Variants in COPG2 observed in about 807,000 individuals in gnomAD.
COPG2 encodes the protein coat protein complex I subunit gamma 2.
A neutral mutation model predicts 46.3 loss-of-function variants in COPG2; 37 were observed. The ratio of observed to expected loss-of-function variants is 0.80; its 90% CI spans 0.61 to 1.05. COPG2 has a LOEUF of 1.05. COPG2 is among the 50% of genes least tolerant of loss of function. The probability of loss-of-function intolerance (pLI) is 0.00; values close to 1 mark genes in which losing one functional copy is unlikely to be tolerated. For missense variants in COPG2, 427 were observed against 387.8 expected (o/e 1.10, Z -0.85); for synonymous variants, 159 against 129.7 (o/e 1.23, Z -1.53).
chr7:130,606,350 A>G (rs1164067462), intron 9 of COPG2, among the ~76,000 whole-genome samples: 1 of 151,796 alleles, frequency 6.6e-6, no homozygotes, highest in Non-Finnish European at 1.5e-5. Flanking sequence ...AGAAGGAAGG[A>G]AGGAAGGAGA....
chr7:130,610,432 TCA>T, intron 9 of COPG2: 1 of 430,500 alleles, frequency 2.3e-6, no homozygotes, highest in Non-Finnish European at 4.5e-6. Context: ...CCATAAGCCT[TCA>T]GGCTGGGGAA....
chr7:130,601,666 G>A (rs535046999), intron 9 of COPG2, among the ~76,000 whole-genome samples: 1 of 152,250 alleles, frequency 6.6e-6, no homozygotes, highest in Non-Finnish European at 1.5e-5. Context: ...GGCCTGTCGC[G>A]GGTGGGAAGC....
At chr7:130,652,419 C>A (rs553736191) in intron 5 of COPG2, among the ~76,000 whole-genome samples, 240 of 152,254 alleles carry the variant, frequency 1.6e-3, no homozygotes, top group African/African-American at 5.7e-3. Context: ...AAATATTATA[C>A]CTCATTCTTG....
At chr7:130,514,449 G>A (rs1488776373) in intron 20 of COPG2, among the ~76,000 whole-genome samples, 1 of 152,086 alleles carries the variant, frequency 6.6e-6, no homozygotes, top group African/African-American at 2.4e-5. Flanking sequence ...ATGTAAGTGC[G>A]GTATTAAAGT....
At chr7:130,532,861 C>G (rs1385498166) in intron 20 of COPG2, among the ~76,000 whole-genome samples, 3 of 152,022 alleles carry the variant, frequency 2.0e-5, no homozygotes, top group African/African-American at 7.3e-5. Context: ...GGGGCCTGGT[C>G]AAGAAAGGAG....
intron 20 of COPG2, among the ~76,000 whole-genome samples, chr7:130,525,450 T>G (rs974915743): frequency 6.6e-5 from 10 of 152,118 alleles, no homozygotes; most frequent in Admixed American, 2.0e-4. Context: ...CATCACTGCA[T>G]GGTAAGATGG....
At chr7:130,597,140 AC>A (rs1554449799) in intron 9 of COPG2, among the ~76,000 whole-genome samples, 2 of 152,214 alleles carry the variant, frequency 1.3e-5, no homozygotes. Context: ...TGGGAAATGT[AC>A]CCCCAGACTC....
intron 15 of COPG2, among the ~76,000 whole-genome samples, 169 bp from the exon 16 acceptor site, chr7:130,551,513 G>A (rs2116387506): frequency 6.6e-6 from 1 of 152,254 alleles, no homozygotes; most frequent in South Asian, 2.1e-4. Flanking sequence ...CTTGGGTACT[G>A]CTCTGAATTA....
Position 130,616,978 on chromosome 7 carries a change from CAG to C in COPG2, c.399+10_399+11del. ...TGTTCCATTTGGTAACTCAGTGAAACAGATAACTTACATCGGTGATCCTGCAG... is the reference window on the plus strand; with the variant it reads ...TGTTCCATTTGGTAACTCAGTGAAACATAACTTACATCGGTGATCCTGCAG... On this transcript the variant is annotated intron_variant, in intron 6 of 23. Coordinates refer to ENST00000425248, the MANE Select transcript of COPG2 (RefSeq NM_012133.6). 1.3e-6 allele frequency: 2 copies of C among 1,585,266 alleles called. No individual in the cohort carries two copies. The highest frequency in any genetic ancestry group is 1.7e-6 in the Non-Finnish European group (2 of 1,156,980).
At chr7:130,577,617 C>A (rs1245593363) in intron 9 of COPG2, among the ~76,000 whole-genome samples, 1 of 151,230 alleles carries the variant, frequency 6.6e-6, no homozygotes, top group Non-Finnish European at 1.5e-5. Context: ...AAAAATTAGC[C>A]GGGCGCGGTG....
In COPG2 at chr7:130,506,431, C is replaced by G. The variant is rs1799483973; in HGVS notation, c.*245G>C. 1 of 203,768 alleles carries G rather than the reference C, an allele frequency of 4.9e-6. No individual in the cohort carries two copies. Among genetic ancestry groups the G allele is most frequent in the Non-Finnish European group, 9.4e-6 (1 of 106,292 alleles). 12.6% of individuals were successfully genotyped at this position (203,768 alleles called of 1,614,324 possible). ...GGAGTATAGGATAGTATTTGATTTT[C>G]AAGATCACCCAAAGCTGCACTATCG... On this transcript the variant is annotated 3_prime_UTR_variant, in exon 24 of 24. Coordinates refer to ENST00000425248, the MANE Select transcript of COPG2 (RefSeq NM_012133.6).
At chr7:130,667,452 GA>G in intron 2 of COPG2, 29 bp downstream of exon 2, 1 of 1,598,354 alleles carries the variant, frequency 6.3e-7, no homozygotes, top group Non-Finnish European at 8.6e-7. Context: ...GAATAGAAAA[GA>G]AAGGGCACAA....
chr7:130,530,296 T>C (rs971132917), intron 20 of COPG2, among the ~76,000 whole-genome samples: 44 of 151,268 alleles, frequency 2.9e-4, no homozygotes, highest in Admixed American at 1.3e-3. Flanking sequence ...TAAATGGAAA[T>C]AAAGGAGGTG....
chr7:130,544,239 C>T, intron 20 of COPG2, among the ~76,000 whole-genome samples: 1 of 152,254 alleles, frequency 6.6e-6, no homozygotes, highest in South Asian at 2.1e-4. Context: ...TCTTACTTAA[C>T]TGAAGTTGTG....
chr7:130,587,389 T>C, intron 9 of COPG2, among the ~76,000 whole-genome samples: 1 of 152,076 alleles, frequency 6.6e-6, no homozygotes, highest in East Asian at 1.9e-4. Context: ...TAAAATGCTT[T>C]CCAATATCCA....
intron 20 of COPG2, among the ~76,000 whole-genome samples, chr7:130,543,512 G>A (rs1372635621): frequency 6.6e-6 from 1 of 152,186 alleles, no homozygotes; most frequent in Non-Finnish European, 1.5e-5. Context: ...AGCGGAGTCT[G>A]AAGGATGAGC....
intron 9 of COPG2, among the ~76,000 whole-genome samples, chr7:130,591,835 G>A (rs1794433868): frequency 6.6e-6 from 1 of 151,042 alleles, no homozygotes; most frequent in African/African-American, 2.4e-5. Flanking sequence ...GGGCGCCTCT[G>A]TCCGGCCACC....
chr7:130,595,770 C>T (rs902140281), intron 9 of COPG2, among the ~76,000 whole-genome samples: 11 of 151,758 alleles, frequency 7.2e-5, no homozygotes, highest in African/African-American at 2.2e-4. Flanking sequence ...GTCTGGACAC[C>T]GGCTGGCGCT....
chr7:130,631,441 A>G (rs1554455181), intron 5 of COPG2, among the ~76,000 whole-genome samples: 5 of 151,988 alleles, frequency 3.3e-5, no homozygotes, highest in Middle Eastern at 6.8e-3. Flanking sequence ...TACAGGTGTG[A>G]GCCACTGCAC....
Sources: allele counts gnomAD v4.1 joint callset (sites outside exome capture counted in the v4.1 genomes callset), GRCh38; gene constraint gnomAD v4.1.1; transcripts MANE v1.5; gene names NCBI Gene and HGNC (gene_info 2026-07-23, HGNC 2026-07-21).